The following SGK3 variants were observed in gnomAD, a reference collection of about 807,000 sequenced individuals.
The protein encoded by SGK3 is serine/threonine-protein kinase Sgk3.
In SGK3, 47 loss-of-function variants were observed where a neutral mutation model predicts 68.5. That is an observed-to-expected ratio of 0.69 (90% confidence interval 0.54 to 0.87). The LOEUF (loss-of-function observed/expected upper bound fraction) is 0.87. SGK3 is among the 40% of genes least tolerant of loss of function. The pLI is 0.00. For missense variants in SGK3, 479 were observed against 575.5 expected (o/e 0.83, Z 1.72); for synonymous variants, 181 against 189.1 (o/e 0.96, Z 0.35).
At chr8:66,729,192 C>T (rs529819335) in intron 1 of SGK3, among the ~76,000 whole-genome samples, 46 of 151,124 alleles carry the variant, frequency 3.0e-4, no homozygotes, top group Non-Finnish European at 4.9e-4. Context: ...GCACTCCTCT[C>T]ACGCCTGTAA....
intron 1 of SGK3, among the ~76,000 whole-genome samples, chr8:66,729,617 T>G (rs904295394): frequency 1.3e-5 from 2 of 152,220 alleles, no homozygotes; most frequent in Non-Finnish European, 2.9e-5. Flanking sequence ...CATATATGTT[T>G]TAATTTCCCT....
intron 1 of SGK3, among the ~76,000 whole-genome samples, chr8:66,770,023 C>T (rs1806456813): frequency 2.0e-5 from 3 of 152,050 alleles, no homozygotes; most frequent in Admixed American, 6.6e-5. Context: ...GCGCAATCTC[C>T]GCTCACTGCA....
chr8:66,734,235 T>TC (rs1563600583), intron 1 of SGK3, among the ~76,000 whole-genome samples: 3 of 149,162 alleles, frequency 2.0e-5, no homozygotes, highest in African/African-American at 7.3e-5. Flanking sequence ...TTTCTTTTTT[T>TC]TTTTTTTTTT....
At position 66,798,537 on chromosome 8, in the gene SGK3, C is replaced by A; in HGVS notation, c.97-5C>A. 6.3e-7 allele frequency: 1 copy of A among 1,595,162 alleles called. No individual in the cohort carries two copies. The highest frequency in any genetic ancestry group is 1.2e-5 in the South Asian group (1 of 86,820). On this transcript the variant is annotated splice_region_variant and splice_polypyrimidine_tract_variant and intron_variant, in intron 2 of 16. Transcript: ENST00000521198. ...GTTATATTATGTAATTTTTTATTTC[C>A]ACAGGTTTATAAAGTTCTGGTTTCA...
intron 4 of SGK3, 97 bp from the exon 5 acceptor site, chr8:66,813,756 C>A: frequency 9.5e-7 from 1 of 1,057,808 alleles, no homozygotes; most frequent in East Asian, 3.1e-5. Context: ...GCTTCTTAAT[C>A]AAAATTCACT....
At chr8:66,843,665 T>C (rs578108405) in intron 14 of SGK3, 118 bp downstream of exon 14, 216 of 1,064,130 alleles carry the variant, frequency 2.0e-4, no homozygotes, top group Non-Finnish European at 1.9e-5. Context: ...GCAGTAATAG[T>C]CTGGTTAAAT....
intron 1 of SGK3, among the ~76,000 whole-genome samples, chr8:66,753,413 G>C (rs538567202): frequency 6.6e-6 from 1 of 152,336 alleles, no homozygotes; most frequent in African/African-American, 2.4e-5. Flanking sequence ...CACATAGGTA[G>C]TCAAGATATA....
chr8:66,714,857 G>A (rs1804587713), intron 1 of SGK3, among the ~76,000 whole-genome samples: 1 of 152,202 alleles, frequency 6.6e-6, no homozygotes, highest in Non-Finnish European at 1.5e-5. Context: ...TGCACAGCAG[G>A]TGAGAGGCAG....
At position 66,859,780 on chromosome 8, in the gene SGK3, A is replaced by G. The variant is rs1399406619; in HGVS notation, c.*199A>G. ...AAGAGCTGTTTTGATTAAAATTTAT[A>G]TTCTTGTTTAATAAGCTTATTTTTA... On this transcript the variant is annotated 3_prime_UTR_variant, in exon 17 of 17. Transcript: ENST00000521198. The G allele has an allele frequency of 1.9e-6, 1 of 532,500 alleles. No homozygotes were observed. The allele number at this position is 532,500 out of a possible 1,614,324, so 33.0% of individuals were successfully genotyped here. A position where few individuals can be genotyped will look rare whatever the true frequency, so the allele number is the denominator to read the frequency against.
At chr8:66,714,525 C>T (rs1262705461) in intron 1 of SGK3, among the ~76,000 whole-genome samples, 1 of 152,176 alleles carries the variant, frequency 6.6e-6, no homozygotes, top group East Asian at 1.9e-4. Context: ...ATCTCTCTCT[C>T]ATATATTTAA....
intron 1 of SGK3, among the ~76,000 whole-genome samples, chr8:66,757,129 A>G (rs990348180): frequency 3.7e-5 from 4 of 107,058 alleles, no homozygotes; most frequent in Non-Finnish European, 7.9e-5. Context: ...CTCAGGCCCT[A>G]TTTTTTTTTT....
At chr8:66,797,499 C>T (rs545429355) in intron 2 of SGK3, among the ~76,000 whole-genome samples, 1 of 152,242 alleles carries the variant, frequency 6.6e-6, no homozygotes, top group African/African-American at 2.4e-5. Context: ...TACCATCCTG[C>T]AGCTCATGTA....
chr8:66,775,225 C>T (rs1806652147), intron 1 of SGK3: 1 of 152,388 alleles, frequency 6.6e-6, no homozygotes, highest in South Asian at 2.1e-4. Flanking sequence ...GCTGGCGCCG[C>T]TGGGAGCTGG....
intron 4 of SGK3, among the ~76,000 whole-genome samples, chr8:66,813,057 G>A (rs117286299): frequency 1.4e-4 from 21 of 152,136 alleles, no homozygotes; most frequent in Non-Finnish European, 1.9e-4. Context: ...AGTTCAAGAT[G>A]AGCCTGGGCA....
chr8:66,757,614 A>C (rs1016327160), intron 1 of SGK3, among the ~76,000 whole-genome samples: 19 of 152,056 alleles, frequency 1.2e-4, no homozygotes, highest in African/African-American at 4.6e-4. Flanking sequence ...TTTAAAAAAA[A>C]AATTAAATAA....
intron 10 of SGK3, among the ~76,000 whole-genome samples, chr8:66,839,496 GAGATATAT>G (rs1809679380): frequency 4.6e-5 from 2 of 43,228 alleles, no homozygotes; most frequent in African/African-American, 1.7e-4. Context: ...TATATGTATG[GAGATATAT>G]ATATATATAT....
chr8:66,858,088 A>T (rs575861464), intron 16 of SGK3, among the ~76,000 whole-genome samples: 1 of 152,272 alleles, frequency 6.6e-6, no homozygotes, highest in East Asian at 1.9e-4. Context: ...TATTTTACTT[A>T]TAACCGCTTC....
At chr8:66,768,131 G>GTA (rs1806383675) in intron 1 of SGK3, 1 of 394,704 alleles carries the variant, frequency 2.5e-6, no homozygotes, top group African/African-American at 2.0e-5. Flanking sequence ...TCTTACAATG[G>GTA]TATACTTCCA....
At chr8:66,769,730 GTTA>G (rs143005082) in intron 1 of SGK3, among the ~76,000 whole-genome samples, 3 of 151,404 alleles carry the variant, frequency 2.0e-5, no homozygotes, top group African/African-American at 2.4e-5. Context: ...TATTACTATT[GTTA>G]TTATTATTAT....
Sources: gnomAD v4.1 joint callset for allele counts (sites outside exome capture counted in the v4.1 genomes callset) on GRCh38, gnomAD v4.1.1 for gene constraint, MANE v1.5 for transcripts, NCBI Gene and HGNC (gene_info 2026-07-23, HGNC 2026-07-21) for gene names.